Variants in SYNDIG1 observed in about 807,000 individuals in gnomAD.
SYNDIG1 encodes synapse differentiation-inducing gene protein 1.
In SYNDIG1, 9 loss-of-function variants were observed where a neutral mutation model predicts 19.4. The observed-to-expected ratio is 0.46, with a 90% confidence interval of 0.28 to 0.81. The LOEUF (loss-of-function observed/expected upper bound fraction) is 0.81, where lower values mean the gene tolerates loss of function less well. Among genes scored for constraint, SYNDIG1 ranks in the 30% least tolerant of loss-of-function variants. The pLI is 0.12. For missense variants in SYNDIG1, 311 were observed against 343.3 expected, an observed-to-expected ratio of 0.91 and a Z score of 0.74; for synonymous variants, 141 against 145.9, an observed-to-expected ratio of 0.97 and a Z score of 0.24.
At chr20:24,624,148 G>A (rs1007136580) in intron 3 of SYNDIG1, among the ~76,000 whole-genome samples, 2 of 151,320 alleles carry the variant, frequency 1.3e-5, no homozygotes, top group African/African-American at 4.9e-5. Flanking sequence ...TGTAGTCCCA[G>A]CTACTTGGGA....
At chr20:24,602,799 C>A (rs1304400263) in intron 3 of SYNDIG1, among the ~76,000 whole-genome samples, 1 of 152,190 alleles carries the variant, frequency 6.6e-6, no homozygotes, top group Non-Finnish European at 1.5e-5. Flanking sequence ...AAGCAGAAAT[C>A]TATATTTCTG....
intron 3 of SYNDIG1, among the ~76,000 whole-genome samples, chr20:24,642,860 G>A (rs1436989078): frequency 6.6e-6 from 1 of 152,094 alleles, no homozygotes; most frequent in African/African-American, 2.4e-5. Context: ...TGGGCACTGG[G>A]TGTGCTTGTG....
At chr20:24,621,790 A>T (rs2059042650) in intron 3 of SYNDIG1, among the ~76,000 whole-genome samples, 1 of 152,184 alleles carries the variant, frequency 6.6e-6, no homozygotes, top group South Asian at 2.1e-4. Flanking sequence ...ACCACAAGAC[A>T]TATACTCTGA....
intron 3 of SYNDIG1, among the ~76,000 whole-genome samples, chr20:24,662,515 T>A (rs985658092): frequency 6.6e-6 from 1 of 152,136 alleles, no homozygotes; most frequent in African/African-American, 2.4e-5. Flanking sequence ...GGAGCCCAGC[T>A]GCTTCCTGCG....
chr20:24,473,703 G>A (rs1216415991), intron 1 of SYNDIG1, among the ~76,000 whole-genome samples: 1 of 152,146 alleles, frequency 6.6e-6, no homozygotes, highest in African/African-American at 2.4e-5. Flanking sequence ...AGTGCCATGA[G>A]CAGACATAGG....
At chr20:24,556,178 T>C (rs1171061246) in intron 2 of SYNDIG1, among the ~76,000 whole-genome samples, 3 of 152,216 alleles carry the variant, frequency 2.0e-5, no homozygotes, top group African/African-American at 7.2e-5. Flanking sequence ...CTCCATCCTT[T>C]TATTTTGAGC....
At chr20:24,656,156 G>A (rs2059523840) in intron 3 of SYNDIG1, among the ~76,000 whole-genome samples, 1 of 152,124 alleles carries the variant, frequency 6.6e-6, no homozygotes, top group Non-Finnish European at 1.5e-5. Flanking sequence ...TATGTGGTGG[G>A]GCTTCACTAA....
At chr20:24,625,909 A>T (rs1489482438) in intron 3 of SYNDIG1, among the ~76,000 whole-genome samples, 1 of 152,006 alleles carries the variant, frequency 6.6e-6, no homozygotes, top group South Asian at 2.1e-4. Flanking sequence ...GTGGCCGGGC[A>T]GAGGGGCTCC....
chr20:24,635,931 C>T (rs1180023156), intron 3 of SYNDIG1, among the ~76,000 whole-genome samples: 1 of 152,142 alleles, frequency 6.6e-6, no homozygotes, highest in African/African-American at 2.4e-5. Flanking sequence ...TTCTGTATCT[C>T]AATGTTTTCA....
At chr20:24,559,382 ATGACCTGACCACTATGCAAT>A (rs1273761589) in intron 2 of SYNDIG1, among the ~76,000 whole-genome samples, 1 of 152,176 alleles carries the variant, frequency 6.6e-6, no homozygotes, top group South Asian at 2.1e-4. Flanking sequence ...CTAAAAAGCC[ATGACCTGACCACTATGCAAT>A]TTATGCATGT....
chr20:24,480,002 C>T (rs1473966493), intron 1 of SYNDIG1, among the ~76,000 whole-genome samples: 1 of 152,228 alleles, frequency 6.6e-6, no homozygotes, highest in Non-Finnish European at 1.5e-5. Flanking sequence ...TGGTCCCACA[C>T]GTGCACGCGC....
At chr20:24,560,090 T>G (rs2057911218) in intron 2 of SYNDIG1, among the ~76,000 whole-genome samples, 1 of 127,084 alleles carries the variant, frequency 7.9e-6, no homozygotes, top group Non-Finnish European at 1.7e-5. Flanking sequence ...TTTTTTTTTT[T>G]TGCAGTCTCA....
intron 1 of SYNDIG1, among the ~76,000 whole-genome samples, chr20:24,507,997 G>A (rs2056639495): frequency 6.6e-6 from 1 of 152,106 alleles, no homozygotes; most frequent in African/African-American, 2.4e-5. Flanking sequence ...AGAGCCTGGG[G>A]CCCAAGAGGA....
intron 1 of SYNDIG1, among the ~76,000 whole-genome samples, chr20:24,539,470 C>T (rs535715483): frequency 1.4e-4 from 22 of 152,258 alleles, no homozygotes; most frequent in African/African-American, 4.1e-4. Context: ...TGTATTTATG[C>T]CATATCACAC....
chr20:24,553,254 G>A (rs2057742666), intron 2 of SYNDIG1, among the ~76,000 whole-genome samples: 1 of 151,968 alleles, frequency 6.6e-6, no homozygotes, highest in Non-Finnish European at 1.5e-5. Flanking sequence ...CTCCCATTTT[G>A]TAGGTTGCCT....
intron 1 of SYNDIG1, among the ~76,000 whole-genome samples, chr20:24,523,961 CTA>C (rs988178527): frequency 6.6e-6 from 1 of 152,228 alleles, no homozygotes; most frequent in Admixed American, 6.5e-5. Flanking sequence ...CCCTTATCCT[CTA>C]TTATCCACAT....
chr20:24,665,438 G>C lies in SYNDIG1; in HGVS notation c.711G>C (p.Gly237=), dbSNP rs753079556. 3.1e-6 allele frequency: 5 copies of C among 1,613,912 alleles called. No homozygotes were observed. In the African/African-American group the frequency reaches 6.7e-5, roughly 22 times the overall value. Residue 237 remains glycine, a synonymous_variant, in exon 4 of 4, where the codon GGG becomes GGC. Transcript: ENST00000376862. ...LFLAVLSITI[G]TGVYVGVAVA... is the part of the protein sequence containing the mutation. Reference sequence around the variant, plus strand: ...TGGCAGTGCTGTCCATCACCATTGGGACTGGCGTCTATGTGGGCGTGGCCG... The same window carrying C: ...TGGCAGTGCTGTCCATCACCATTGGCACTGGCGTCTATGTGGGCGTGGCCG...
chr20:24,490,226 G>A (rs2056107464), intron 1 of SYNDIG1, among the ~76,000 whole-genome samples: 1 of 152,220 alleles, frequency 6.6e-6, no homozygotes, highest in African/African-American at 2.4e-5. Context: ...CCTGAATGAG[G>A]AACACGCAGA....
intron 2 of SYNDIG1, among the ~76,000 whole-genome samples, chr20:24,557,014 CT>C (rs945751760): frequency 2.0e-5 from 3 of 152,108 alleles, no homozygotes; most frequent in African/African-American, 7.2e-5. Flanking sequence ...TCTTTTTATT[CT>C]TTTTTCTCTA....
Sources: allele counts gnomAD v4.1 joint callset (sites outside exome capture counted in the v4.1 genomes callset), GRCh38; gene constraint gnomAD v4.1.1; transcripts MANE v1.5; gene names NCBI Gene and HGNC (gene_info 2026-07-23, HGNC 2026-07-21).